The following HTR1F variants were observed in gnomAD, a reference collection of about 807,000 sequenced individuals.
The protein encoded by HTR1F is 5-hydroxytryptamine (serotonin) receptor 1F, G protein-coupled.
Under a neutral mutation model 24.0 loss-of-function variants are expected in HTR1F, and 17 were observed. The ratio of observed to expected loss-of-function variants is 0.71; its 90% CI spans 0.48 to 1.06. The LOEUF (loss-of-function observed/expected upper bound fraction) is 1.06, where lower values mean the gene tolerates loss of function less well. Among genes scored for constraint, HTR1F ranks in the 50% least tolerant of loss-of-function variants. The pLI is 0.00. For missense variants in HTR1F, 391 were observed against 427.8 expected, an observed-to-expected ratio of 0.91 and a Z score of 0.76; for synonymous variants, 186 against 156.8, an observed-to-expected ratio of 1.19 and a Z score of -1.39.
chr3:87,884,569 G>A (rs546555313), intron 2 of HTR1F, among the ~76,000 whole-genome samples: 1 of 152,120 alleles, frequency 6.6e-6, no homozygotes, highest in Admixed American at 6.6e-5. Flanking sequence ...TGGATAAAGA[G>A]TCAAGACTCA....
chr3:87,884,586 T>C (rs1383701923), intron 2 of HTR1F, among the ~76,000 whole-genome samples: 2 of 152,122 alleles, frequency 1.3e-5, no homozygotes, highest in Non-Finnish European at 2.9e-5. Flanking sequence ...CTCATCACTG[T>C]GCTATATTCA....
At chr3:87,979,216 C>A (rs183624166) in intron 2 of HTR1F, among the ~76,000 whole-genome samples, 2 of 151,800 alleles carry the variant, frequency 1.3e-5, no homozygotes, top group East Asian at 2.0e-4. Flanking sequence ...AGTCCAGGGG[C>A]CTTTGGATAA....
chr3:87,990,896 T>C lies in HTR1F; in HGVS notation c.147T>C (p.Ile49=), dbSNP rs752347068. ...TINSLVIAAI[I]VTRKLHHPAN... is the part of the protein sequence containing the mutation. Reference sequence around the variant, plus strand: ...ACTCCCTTGTGATCGCTGCAATTATTGTGACCCGGAAGCTGCACCATCCAG... The same window carrying C: ...ACTCCCTTGTGATCGCTGCAATTATCGTGACCCGGAAGCTGCACCATCCAG... Residue 49 remains isoleucine, a synonymous_variant, in exon 3 of 3, where the codon ATT becomes ATC. Coordinates refer to ENST00000319595, the MANE Select transcript of HTR1F (RefSeq NM_001322209.2). 8 of 1,614,082 alleles carry C rather than the reference T, an allele frequency of 5.0e-6. No homozygotes were observed. Among genetic ancestry groups the C allele is most frequent in the Admixed American group, 1.7e-5 (1 of 60,000 alleles).
chr3:87,804,022 T>G (rs918870955), intron 1 of HTR1F, among the ~76,000 whole-genome samples: 1 of 152,136 alleles, frequency 6.6e-6, no homozygotes, highest in Non-Finnish European at 1.5e-5. Context: ...CTATAGATTT[T>G]GTTGCTCTTT....
intron 2 of HTR1F, among the ~76,000 whole-genome samples, chr3:87,973,246 C>A (rs951892986): frequency 5.3e-5 from 8 of 152,148 alleles, no homozygotes; most frequent in Non-Finnish European, 8.8e-5. Context: ...CGGTCGCTCT[C>A]CATTGCCTCC....
At chr3:87,977,049 C>T (rs778141981) in intron 2 of HTR1F, among the ~76,000 whole-genome samples, 1 of 152,134 alleles carries the variant, frequency 6.6e-6, no homozygotes, top group Non-Finnish European at 1.5e-5. Flanking sequence ...GAGAATATAC[C>T]ATTCCTCATG....
intron 2 of HTR1F, among the ~76,000 whole-genome samples, chr3:87,877,800 T>G (rs1192366819): frequency 6.6e-6 from 1 of 152,134 alleles, no homozygotes; most frequent in East Asian, 1.9e-4. Context: ...GAAGAAGAAA[T>G]CAATACAAAT....
intron 2 of HTR1F, among the ~76,000 whole-genome samples, chr3:87,990,491 T>G (rs1705796788): frequency 6.6e-6 from 1 of 152,208 alleles, no homozygotes; most frequent in Non-Finnish European, 1.5e-5. Flanking sequence ...TAACCTATAT[T>G]TTAAGAAATG....
chr3:87,911,521 T>C (rs1447638088), intron 2 of HTR1F, among the ~76,000 whole-genome samples: 1 of 152,046 alleles, frequency 6.6e-6, no homozygotes, highest in Non-Finnish European at 1.5e-5. Flanking sequence ...GCACCAGCTG[T>C]ACAAAGAGCT....
At chr3:87,978,890 GA>G (rs1705459011) in intron 2 of HTR1F, among the ~76,000 whole-genome samples, 1 of 46,136 alleles carries the variant, frequency 2.2e-5, no homozygotes, top group Non-Finnish European at 3.9e-5. Context: ...GGGAGGGAGG[GA>G]GGAAGGAAGG....
chr3:87,919,749 C>T (rs1232654127), intron 2 of HTR1F, among the ~76,000 whole-genome samples: 1 of 151,824 alleles, frequency 6.6e-6, no homozygotes, highest in Non-Finnish European at 1.5e-5. Context: ...GTGGACAGGG[C>T]ACACTTCTAC....
At chr3:87,989,554 T>G (rs72917788) in intron 2 of HTR1F, among the ~76,000 whole-genome samples, 1 of 152,156 alleles carries the variant, frequency 6.6e-6, no homozygotes, top group Non-Finnish European at 1.5e-5. Context: ...ATATACTAAT[T>G]TTTTTTGCTA....
chr3:87,976,457 G>A (rs774937542), intron 2 of HTR1F, among the ~76,000 whole-genome samples: 7 of 152,072 alleles, frequency 4.6e-5, no homozygotes, highest in Non-Finnish European at 8.8e-5. Flanking sequence ...AGGCTGAGGA[G>A]TTCAAGTCAA....
At chr3:87,941,297 G>A (rs959509032) in intron 2 of HTR1F, among the ~76,000 whole-genome samples, 1 of 152,212 alleles carries the variant, frequency 6.6e-6, no homozygotes, top group African/African-American at 2.4e-5. Context: ...TAATGCCAAG[G>A]AACCCTCTTA....
rs1705849431 is a variant in HTR1F, at chr3:87,992,063, T to C, written c.*213T>C. 4 of 350,296 alleles carry C rather than the reference T, an allele frequency of 1.1e-5. No homozygotes were observed. The Admixed American group carries it at 1.8e-4, about 16-fold the overall frequency. The allele number at this position is 350,296 out of a possible 1,614,324, so 21.7% of individuals were successfully genotyped here. On this transcript the variant is annotated 3_prime_UTR_variant, in exon 3 of 3. Coordinates refer to ENST00000319595, the MANE Select transcript of HTR1F (RefSeq NM_001322209.2). Reference sequence around the variant, plus strand: ...ATTCAAAATTAGAAAATAATTTATGTAGGTTATAAACAATATTTTGCCTAT... The same window carrying C: ...ATTCAAAATTAGAAAATAATTTATGCAGGTTATAAACAATATTTTGCCTAT...
At chr3:87,959,703 A>G (rs1705020343) in intron 2 of HTR1F, among the ~76,000 whole-genome samples, 1 of 151,688 alleles carries the variant, frequency 6.6e-6, no homozygotes, top group Non-Finnish European at 1.5e-5. Context: ...TGCTGTTCTG[A>G]TAATATGAAT....
chr3:87,983,466 A>G (rs1486526592), intron 2 of HTR1F, among the ~76,000 whole-genome samples: 3 of 152,104 alleles, frequency 2.0e-5, no homozygotes, highest in Non-Finnish European at 4.4e-5. Context: ...TCAAAACTCT[A>G]CAATCCCAGG....
chr3:87,926,937 G>A (rs1420772525), intron 2 of HTR1F, among the ~76,000 whole-genome samples: 1 of 152,088 alleles, frequency 6.6e-6, no homozygotes, highest in Non-Finnish European at 1.5e-5. Flanking sequence ...AGTTAAAATG[G>A]CCCAGAATTA....
chr3:87,891,320 C>T (rs1000518029), intron 2 of HTR1F, among the ~76,000 whole-genome samples: 16 of 152,094 alleles, frequency 1.1e-4, no homozygotes, highest in South Asian at 6.2e-4. Context: ...TGCCATTCTC[C>T]ATTTTTCTTT....
Sources: allele counts gnomAD v4.1 joint callset (sites outside exome capture counted in the v4.1 genomes callset), GRCh38; gene constraint gnomAD v4.1.1; transcripts MANE v1.5; gene names NCBI Gene and HGNC (gene_info 2026-07-23, HGNC 2026-07-21).